Variants in RTN4RL1 observed in about 807,000 individuals in gnomAD.
RTN4RL1 encodes reticulon-4 receptor-like 1.
In RTN4RL1, 7 loss-of-function variants were observed where a neutral mutation model predicts 25.6. That is an observed-to-expected ratio of 0.27 (90% CI 0.16 to 0.51). The LOEUF (loss-of-function observed/expected upper bound fraction) is 0.51, where lower values mean the gene tolerates loss of function less well. Ranked by LOEUF, RTN4RL1 falls within the 20% of genes least tolerant of loss-of-function variation. The pLI, the probability that RTN4RL1 is intolerant of heterozygous loss-of-function variation, is 0.97. For missense variants in RTN4RL1, 500 were observed against 615.6 expected, an observed-to-expected ratio of 0.81 and a Z score of 1.99; for synonymous variants, 297 against 288.2, an observed-to-expected ratio of 1.03 and a Z score of -0.31.
At chr17:2,012,594 CTGTT>C (rs2067063972) in intron 1 of RTN4RL1, among the ~76,000 whole-genome samples, 1 of 151,752 alleles carries the variant, frequency 6.6e-6, no homozygotes, top group East Asian at 1.9e-4. Flanking sequence ...CCTTCTCTCT[CTGTT>C]TTTTTTTTAA....
chr17:2,004,570 G>A lies in RTN4RL1; in HGVS notation c.13+20283C>T, dbSNP rs112847504. ...CTTGGATGATGCACCAGTGTTCTGGGGAGGCCTTCACCCTTATCTCACTTT... is the reference window on the plus strand; with the variant it reads ...CTTGGATGATGCACCAGTGTTCTGGAGAGGCCTTCACCCTTATCTCACTTT... On this transcript the variant is annotated intron_variant, in intron 1 of 1. Coordinates refer to ENST00000331238, the MANE Select transcript of RTN4RL1 (RefSeq NM_178568.4). 9.6e-3 allele frequency among the ~76,000 whole-genome samples: 1,460 copies of A among 152,232 alleles called. 7 individuals are homozygous for A. The highest frequency in any genetic ancestry group is 0.016 in the Non-Finnish European group (1,066 of 68,014).
At chr17:1,981,671 C>T (rs1032618219) in intron 1 of RTN4RL1, among the ~76,000 whole-genome samples, 6 of 152,206 alleles carry the variant, frequency 3.9e-5, no homozygotes, top group African/African-American at 7.2e-5. Flanking sequence ...CTGTGGCTGA[C>T]GTGCTGGTAC....
intron 1 of RTN4RL1, among the ~76,000 whole-genome samples, chr17:1,941,051 T>G (rs1915428561): frequency 6.6e-6 from 1 of 151,648 alleles, no homozygotes; most frequent in African/African-American, 2.4e-5. Context: ...CTTACTGGAG[T>G]TTACAAAGTG....
chr17:2,010,828 C>A (rs2067040786), intron 1 of RTN4RL1, among the ~76,000 whole-genome samples: 1 of 152,202 alleles, frequency 6.6e-6, no homozygotes, highest in Non-Finnish European at 1.5e-5. Flanking sequence ...TTCGAGTGAT[C>A]CTCCCACCTC....
At chr17:1,962,931 C>T (rs371302655) in intron 1 of RTN4RL1, among the ~76,000 whole-genome samples, 23 of 141,786 alleles carry the variant, frequency 1.6e-4, no homozygotes, top group African/African-American at 5.5e-4. Context: ...AGATCATTGC[C>T]AACTCTATTT....
chr17:2,023,312 G>A (rs532972676), intron 1 of RTN4RL1, among the ~76,000 whole-genome samples: 101 of 152,302 alleles, frequency 6.6e-4, no homozygotes, highest in Admixed American at 1.3e-3. Flanking sequence ...CTCGGTTGCT[G>A]AAAGGACTTT....
chr17:1,978,217 C>G (rs953927105), intron 1 of RTN4RL1, among the ~76,000 whole-genome samples: 1 of 152,218 alleles, frequency 6.6e-6, no homozygotes, highest in Admixed American at 6.5e-5. Flanking sequence ...CTCCAGGCGT[C>G]GCATCACCGG....
chr17:2,022,144 A>G (rs571857541), intron 1 of RTN4RL1, among the ~76,000 whole-genome samples: 126 of 151,856 alleles, frequency 8.3e-4, no homozygotes, highest in African/African-American at 2.9e-3. Context: ...GCAAAACCCC[A>G]TCTCTACTAA....
In RTN4RL1 at chr17:1,937,592, G is replaced by A; in HGVS notation, c.230C>T (p.Ala77Val). 4 of 1,613,940 alleles carry A rather than the reference G, an allele frequency of 2.5e-6. No individual in the cohort carries two copies. Among genetic ancestry groups the A allele is most frequent in the Non-Finnish European group, 3.4e-6 (4 of 1,179,818 alleles). The change falls in exon 2 of 2, where the codon GCC (alanine) becomes GTC (valine). Residue 77 changes from alanine (A) to valine (V), a missense_variant. Transcript: ENST00000331238. ...GLLQPGHFSP[A>V]MVTLWIYSNN... Reference sequence around the variant, plus strand: ...CGAGTAGATCCACAGGGTGACCATGGCGGGGCTGAAGTGGCCGGGCTGGAG... The same window carrying A: ...CGAGTAGATCCACAGGGTGACCATGACGGGGCTGAAGTGGCCGGGCTGGAG...
At chr17:2,021,741 G>A (rs1159108599) in intron 1 of RTN4RL1, among the ~76,000 whole-genome samples, 4 of 151,302 alleles carry the variant, frequency 2.6e-5, no homozygotes, top group Non-Finnish European at 5.9e-5. Flanking sequence ...TTTTAGTAGA[G>A]ACGGGGTTTC....
intron 1 of RTN4RL1, among the ~76,000 whole-genome samples, chr17:1,964,599 G>A (rs762225186): frequency 4.6e-5 from 7 of 151,786 alleles, no homozygotes; most frequent in Non-Finnish European, 8.8e-5. Context: ...GGGCGTGGTG[G>A]CGGGCGCCTG....
intron 1 of RTN4RL1, chr17:2,001,426 T>G (rs2066956995): frequency 6.6e-6 from 1 of 152,072 alleles, no homozygotes; most frequent in African/African-American, 2.4e-5. Context: ...TTTCGTACTT[T>G]TAGTAGAGAC....
At chr17:2,012,347 C>T (rs2067060932) in intron 1 of RTN4RL1, among the ~76,000 whole-genome samples, 1 of 152,270 alleles carries the variant, frequency 6.6e-6, no homozygotes, top group African/African-American at 2.4e-5. Flanking sequence ...ACAAGGAACA[C>T]AGCTGGGCTG....
intron 1 of RTN4RL1, among the ~76,000 whole-genome samples, chr17:1,954,814 C>T (rs1265739568): frequency 6.6e-6 from 1 of 152,242 alleles, no homozygotes; most frequent in Non-Finnish European, 1.5e-5. Flanking sequence ...TAGCTGATGT[C>T]ATTCCAGTCA....
intron 1 of RTN4RL1, among the ~76,000 whole-genome samples, chr17:1,973,641 C>G (rs2151313987): frequency 6.6e-6 from 1 of 152,312 alleles, no homozygotes; most frequent in South Asian, 2.1e-4. Context: ...ACAGACGTGA[C>G]TGACCAGTCC....
intron 1 of RTN4RL1, among the ~76,000 whole-genome samples, chr17:1,999,213 G>A (rs1234270154): frequency 6.6e-6 from 1 of 150,868 alleles, no homozygotes; most frequent in East Asian, 2.0e-4. Flanking sequence ...TTTGGGAGGC[G>A]GAGGCGGGCG....
intron 1 of RTN4RL1, among the ~76,000 whole-genome samples, chr17:1,986,434 G>T (rs748239420): frequency 6.6e-6 from 1 of 152,084 alleles, no homozygotes; most frequent in South Asian, 2.1e-4. Flanking sequence ...TTGGAAAAAG[G>T]CGTCTTTGTC....
chr17:2,010,031 C>T (rs531328974), intron 1 of RTN4RL1, among the ~76,000 whole-genome samples: 2 of 129,226 alleles, frequency 1.5e-5, no homozygotes, highest in Admixed American at 1.6e-4. Flanking sequence ...TCCCTCACTT[C>T]GCTTAGGCCT....
chr17:2,021,087 T>C (rs941538947), intron 1 of RTN4RL1, among the ~76,000 whole-genome samples: 2 of 152,302 alleles, frequency 1.3e-5, no homozygotes, highest in Admixed American at 6.5e-5. Flanking sequence ...CTACCAGCAC[T>C]GTCAGCAGCT....
Sources: gnomAD v4.1 joint callset for allele counts (sites outside exome capture counted in the v4.1 genomes callset) on GRCh38, gnomAD v4.1.1 for gene constraint, MANE v1.5 for transcripts, NCBI Gene and HGNC (gene_info 2026-07-23, HGNC 2026-07-21) for gene names.